OTUD5: variants seen among roughly 807,000 people sequenced by gnomAD.
OTUD5 encodes the protein OTU deubiquitinase 5.
In OTUD5, 2 loss-of-function variants were observed where a neutral mutation model predicts 36.3. The ratio of observed to expected loss-of-function variants is 0.06; its 90% confidence interval spans 0.02 to 0.17. The LOEUF is 0.17. Ranked by LOEUF, OTUD5 falls within the 10% of genes least tolerant of loss-of-function variation. The probability of loss-of-function intolerance (pLI) is 1.00; values close to 1 mark genes in which losing one functional copy is unlikely to be tolerated. For missense variants in OTUD5, 233 were observed against 512.3 expected (o/e 0.45, Z 5.26); for synonymous variants, 234 against 214.9 (o/e 1.09, Z -0.78).
At chrX:48,929,390 AAAAT>A (rs1220673267) in intron 5 of OTUD5, among the ~76,000 whole-genome samples, 9 of 108,740 alleles carry the variant, frequency 8.3e-5, no homozygotes, top group Non-Finnish European at 9.5e-5. Context: ...TCTGTCTCAA[AAAAT>A]AAATAAATAA....
In OTUD5 at chrX:48,926,066, G is replaced by A. The variant is rs1356013173; in HGVS notation, c.1060-16C>T. 8.5e-7 allele frequency: 1 copy of A among 1,176,075 alleles called. No homozygotes were observed. ...GCTCTGCAAACTGCAAGGAGGGAGA[G>A]GAACAGGGATGTGCAATAACACACT... is the stretch of plus-strand genomic sequence containing the variant. On this transcript the variant is annotated splice_polypyrimidine_tract_variant and intron_variant, in intron 5 of 8. Transcript: ENST00000376488.
intron 1 of OTUD5, among the ~76,000 whole-genome samples, chrX:48,946,854 G>C (rs781941570): frequency 1.8e-5 from 2 of 112,389 alleles, no homozygotes; most frequent in Non-Finnish European, 3.8e-5. Flanking sequence ...GGGAAAAAGA[G>C]AGGAGAAAAG....
chrX:48,923,774 G>C, intron 7 of OTUD5, 28 bp from the exon 8 acceptor site: 1 of 1,185,002 alleles, frequency 8.4e-7, no homozygotes, highest in Non-Finnish European at 1.1e-6. Context: ...TCAAAGGTAG[G>C]GACCCAGGAT....
At chrX:48,953,566 A>C (rs1245787710) in intron 1 of OTUD5, among the ~76,000 whole-genome samples, 1 of 111,143 alleles carries the variant, frequency 9.0e-6, no homozygotes, top group Non-Finnish European at 1.9e-5. Flanking sequence ...GCCTTGAAAG[A>C]CCCAGAGTTG....
intron 5 of OTUD5, among the ~76,000 whole-genome samples, chrX:48,929,926 A>G (rs1170133514): frequency 9.2e-6 from 1 of 108,956 alleles, no homozygotes; most frequent in African/African-American, 3.4e-5. Context: ...AGACGGTGAA[A>G]CCCCGTCTCT....
intron 2 of OTUD5, among the ~76,000 whole-genome samples, chrX:48,942,236 C>CACAT (rs1312565396): frequency 2.6e-5 from 2 of 77,585 alleles, no homozygotes; most frequent in Admixed American, 1.6e-4. Flanking sequence ...GCTAGATACA[C>CACAT]ACACACATAC....
intron 1 of OTUD5, among the ~76,000 whole-genome samples, chrX:48,951,945 A>G (rs1016689525): frequency 4.5e-5 from 5 of 111,025 alleles, no homozygotes; most frequent in Admixed American, 9.6e-5. Context: ...AGCCCCAGCT[A>G]CTTGGGAGGC....
intron 2 of OTUD5, among the ~76,000 whole-genome samples, chrX:48,936,843 C>T (rs1043019214): frequency 1.3e-4 from 15 of 111,735 alleles, no homozygotes; most frequent in Admixed American, 5.7e-4. Flanking sequence ...CCCTTTGTTT[C>T]CCCAGAGGAC....
intron 1 of OTUD5, among the ~76,000 whole-genome samples, chrX:48,947,478 G>A (rs1197454575): frequency 9.1e-6 from 1 of 110,329 alleles, no homozygotes; most frequent in South Asian, 3.9e-4. Flanking sequence ...TGAGGTGGGC[G>A]GATCACCTGA....
chrX:48,923,595 C>G (rs868990520), intron 8 of OTUD5, 38 bp downstream of exon 8: 1 of 1,014,668 alleles, frequency 9.9e-7, no homozygotes, highest in African/African-American at 1.9e-5. Flanking sequence ...TCTCCCAGCT[C>G]CTAGCAGCCT....
chrX:48,924,685 G>A (rs2063635786), intron 6 of OTUD5, among the ~76,000 whole-genome samples: 1 of 111,424 alleles, frequency 9.0e-6, no homozygotes, highest in Non-Finnish European at 1.9e-5. Context: ...CTCCATGTGC[G>A]CTCAGCTAAC....
chrX:48,949,691 T>C (rs2064098233), intron 1 of OTUD5, among the ~76,000 whole-genome samples: 1 of 105,113 alleles, frequency 9.5e-6, no homozygotes, highest in Admixed American at 1.0e-4. Context: ...AACAAATAAA[T>C]AAACACCAAA....
intron 1 of OTUD5, among the ~76,000 whole-genome samples, chrX:48,956,647 T>C (rs2064246940): frequency 9.0e-6 from 1 of 111,085 alleles, no homozygotes; most frequent in Non-Finnish European, 1.9e-5. Context: ...AGACTCCTAC[T>C]CAAGAGGGGC....
In OTUD5 at chrX:48,922,462, G is replaced by A. The variant is rs1230002515; in HGVS notation, c.*712C>T. On this transcript the variant is annotated 3_prime_UTR_variant, in exon 9 of 9. Coordinates refer to ENST00000376488, the MANE Select transcript of OTUD5 (RefSeq NM_001136157.2). ...AAGCCGGCCTGACACCTGCCGCCCT[G>A]CCCTTGCCCAGTGCACACCCTAGAC... 8.5e-6 allele frequency: 6 copies of A among 707,136 alleles called. No homozygotes were observed. The African/African-American group carries it at 1.2e-4, about 14-fold the overall frequency. 58.3% of individuals were successfully genotyped at this position (707,136 alleles called of 1,213,427 possible). A position where few individuals can be genotyped will look rare whatever the true frequency, so the allele number is the denominator to read the frequency against.
At chrX:48,925,209 C>T (rs1246198296) in intron 6 of OTUD5, among the ~76,000 whole-genome samples, 3 of 97,016 alleles carry the variant, frequency 3.1e-5, no homozygotes, top group Non-Finnish European at 4.0e-5. Context: ...ACCTGGGAGG[C>T]GGAGCTTGCA....
intron 2 of OTUD5, among the ~76,000 whole-genome samples, chrX:48,935,871 A>G (rs1331806663): frequency 1.0e-5 from 1 of 100,468 alleles, no homozygotes; most frequent in Non-Finnish European, 2.0e-5. Flanking sequence ...CCCAGGAGGC[A>G]GAGGTTGCAG....
At chrX:48,934,892 GGTCTGT>G (rs1557049573) in intron 3 of OTUD5, 25 bp from the exon 4 acceptor site, 6 of 1,205,242 alleles carry the variant, frequency 5.0e-6, no homozygotes, top group Non-Finnish European at 6.7e-6. Flanking sequence ...GGAAGGTTAA[GGTCTGT>G]GTGGAGAAGA....
chrX:48,935,531 GA>G (rs1300124588), intron 2 of OTUD5, among the ~76,000 whole-genome samples: 4 of 108,718 alleles, frequency 3.7e-5, no homozygotes, highest in African/African-American at 1.0e-4. Flanking sequence ...AAAAAGGAAA[GA>G]AAAAAAAATG....
Position 48,957,445 on chromosome X carries a change from G to A in OTUD5, c.126C>T (p.Gly42=). ...CGCGATCGCCGCCGCCCACGCCCGT[G>A]CCGCCGCCGCCCACGCCCACACCTC... ...RGGGVGVGGG[G]TGVGGGDRDR... is the part of the protein sequence containing the mutation. The change falls in exon 1 of 9, where the codon GGC becomes GGT. Residue 42 remains glycine (G), a synonymous_variant. Transcript: ENST00000376488. 3 of 987,436 alleles carry A rather than the reference G, an allele frequency of 3.0e-6. No homozygotes were observed. The highest frequency in any genetic ancestry group is 3.8e-6 in the Non-Finnish European group (3 of 784,232). 81.4% of individuals were successfully genotyped at this position (987,436 alleles called of 1,213,427 possible). A position where few individuals can be genotyped will look rare whatever the true frequency, so the allele number is the denominator to read the frequency against.
Sources: allele counts gnomAD v4.1 joint callset (sites outside exome capture counted in the v4.1 genomes callset), GRCh38; gene constraint gnomAD v4.1.1; transcripts MANE v1.5; gene names NCBI Gene and HGNC (gene_info 2026-07-23, HGNC 2026-07-21).